HSPA4L: variants seen among roughly 807,000 people sequenced by gnomAD.
HSPA4L encodes heat shock protein family A (Hsp70) member 4 like, also known as heat shock 70 kDa protein 4L.
A neutral mutation model predicts 100.3 loss-of-function variants in HSPA4L; 48 were observed. That is an observed-to-expected ratio of 0.48 (90% CI 0.38 to 0.61). The LOEUF (loss-of-function observed/expected upper bound fraction) is 0.61. Among genes scored for constraint, HSPA4L ranks in the 20% least tolerant of loss-of-function variants. HSPA4L has a pLI of 0.00. For missense variants in HSPA4L, 886 were observed against 988.6 expected (o/e 0.90, Z 1.39); for synonymous variants, 319 against 328.2 (o/e 0.97, Z 0.30).
At chr4:127,801,271 C>A (rs1272914841) in intron 5 of HSPA4L, 34 bp downstream of exon 5, 9 of 1,386,908 alleles carry the variant, frequency 6.5e-6, no homozygotes, top group Non-Finnish European at 9.0e-6. Flanking sequence ...TCACTATAAG[C>A]AAAATACTGT....
At position 127,835,411 on chromosome 4, in the gene HSPA4L, T is replaced by C. The variant is rs1734181212; in HGVS notation, c.*2537T>C. On this transcript the variant is annotated 3_prime_UTR_variant, in exon 19 of 19. Coordinates refer to ENST00000296464, the MANE Select transcript of HSPA4L (RefSeq NM_014278.4). The stretch of plus-strand genomic sequence containing the variant: ...ATTCCTTAGCAGTAATGTAAAATTA[T>C]TAAGTTTTGGCCAGGCGCTGTGGCT... 6.6e-6 allele frequency: 1 copy of C among 152,194 alleles called. No homozygotes were observed. Among genetic ancestry groups the C allele is most frequent in the South Asian group, 2.1e-4 (1 of 4,834 alleles). 9.4% of individuals were successfully genotyped at this position (152,194 alleles called of 1,614,324 possible).
At chr4:127,820,627 C>CA (rs2148796246) in intron 14 of HSPA4L, 62 bp downstream of exon 14, 1 of 1,494,854 alleles carries the variant, frequency 6.7e-7, no homozygotes, top group Admixed American at 2.2e-5. Flanking sequence ...TTGTAGAAGT[C>CA]AATGATTATC....
At chr4:127,830,839 T>C in intron 18 of HSPA4L, 40 bp downstream of exon 18, 9 of 1,340,886 alleles carry the variant, frequency 6.7e-6, no homozygotes, top group Non-Finnish European at 9.0e-6. Context: ...TGGTTTCAAG[T>C]ATTAAAATTT....
In HSPA4L at chr4:127,786,357, G is replaced by A. The variant is rs73847065; in HGVS notation, c.107+3700G>A. On this transcript the variant is annotated intron_variant, in intron 1 of 18. Coordinates refer to ENST00000296464, the MANE Select transcript of HSPA4L (RefSeq NM_014278.4). The stretch of plus-strand genomic sequence containing the variant: ...TAATGATGAAAGGAACAAATTACCT[G>A]GTTGAGCAGTTATTGTACAGGAAAG... 1.0e-2 allele frequency among the ~76,000 whole-genome samples: 1,515 copies of A among 152,236 alleles called. 26 individuals carry two copies. Among genetic ancestry groups the A allele is most frequent in the African/African-American group, 0.033 (1,383 of 41,546 alleles).
chr4:127,787,000 TTA>T (rs1360499491), intron 1 of HSPA4L, among the ~76,000 whole-genome samples: 11 of 152,200 alleles, frequency 7.2e-5, no homozygotes, highest in Non-Finnish European at 1.5e-4. Flanking sequence ...TGGATTTTCT[TTA>T]AATGAAACTG....
chr4:127,803,932 G>A (rs1018672338), intron 7 of HSPA4L, 59 bp downstream of exon 7: 124 of 1,605,858 alleles, frequency 7.7e-5, no homozygotes, highest in Non-Finnish European at 9.3e-5. Flanking sequence ...TTTAGATCAC[G>A]TCTGATTTGT....
Position 127,805,642 on chromosome 4 carries a change from G to A in HSPA4L, c.1138-45G>A, listed in dbSNP as rs1027587444. 7.1e-6 allele frequency: 10 copies of A among 1,402,536 alleles called. No individual in the cohort carries two copies. The African/African-American group carries it at 9.9e-5, about 14-fold the overall frequency. 86.9% of individuals were successfully genotyped at this position (1,402,536 alleles called of 1,614,324 possible). A position where few individuals can be genotyped will look rare whatever the true frequency, so the allele number is the denominator to read the frequency against. On this transcript the variant is annotated intron_variant, in intron 9 of 18. Transcript: ENST00000296464. ...GTTCAATCAGAGTAACCTAGGGTAT[G>A]TTTTGTATTTGTTGATTTAAATATG... is the stretch of plus-strand genomic sequence containing the variant.
rs1310576941 is a variant in HSPA4L, at chr4:127,830,750, T to C, written c.2279T>C (p.Leu760Pro). ...ATGAATGCACAGAACAAACTAAGTC[T>C]CACTCAAGATCCTGTGGTAAAAGTT... ...SKMNAQNKLS[L>P]TQDPVVKVSE... The change falls in exon 18 of 19, where the codon CTC (leucine) becomes CCC (proline). Residue 760 changes from leucine (L) to proline (P), a missense_variant. Transcript: ENST00000296464. 1 of 1,602,672 alleles carries C rather than the reference T, an allele frequency of 6.2e-7. No homozygotes were observed. Among genetic ancestry groups the C allele is most frequent in the Non-Finnish European group, 8.5e-7 (1 of 1,175,540 alleles).
chr4:127,819,936 A>C (rs1230512105), intron 13 of HSPA4L, among the ~76,000 whole-genome samples: 1 of 152,072 alleles, frequency 6.6e-6, no homozygotes, highest in African/African-American at 2.4e-5. Context: ...AATCATGTAT[A>C]AGTTTTGCGG....
intron 8 of HSPA4L, 129 bp from the exon 9 acceptor site, chr4:127,804,933 CTTTCTAAAAAT>C: frequency 1.8e-6 from 1 of 568,480 alleles, no homozygotes; most frequent in Non-Finnish European, 3.1e-6. Context: ...AATGTTATAT[CTTTCTAAAAAT>C]TGTATTTTTC....
At chr4:127,782,015 C>T (rs1010541476), upstream of HSPA4L, 8 of 453,960 alleles carry the variant, frequency 1.8e-5, no homozygotes, top group African/African-American at 4.0e-5. Flanking sequence ...TCTCACCTAG[C>T]CCGACCGCCC....
chr4:127,816,105 T>TA (rs980693577), intron 12 of HSPA4L, among the ~76,000 whole-genome samples: 1 of 152,106 alleles, frequency 6.6e-6, no homozygotes, highest in African/African-American at 2.4e-5. Context: ...GGTAAAACCT[T>TA]AAAGTTCATG....
At chr4:127,803,230 G>A (rs1475803112) in intron 6 of HSPA4L, among the ~76,000 whole-genome samples, 1 of 151,806 alleles carries the variant, frequency 6.6e-6, no homozygotes, top group Non-Finnish European at 1.5e-5. Context: ...TTTAATCTTT[G>A]AATCTGCTTT....
Position 127,839,193 on chromosome 4 carries a change from CTTG to C in HSPA4L, c.*6325_*6327del, listed in dbSNP as rs576328508. On this transcript the variant is annotated 3_prime_UTR_variant, in exon 19 of 19. Transcript: ENST00000296464. ...TTATGTATGTGTGTTGTGCATCTTC[CTTG>C]TTGTTTTAGAGTTTCCTAAATTTTT... 9.9e-5 allele frequency: 15 copies of C among 152,224 alleles called. No homozygotes were observed. In the South Asian group the frequency reaches 1.0e-3, roughly 11 times the overall value. 9.4% of individuals were successfully genotyped at this position (152,224 alleles called of 1,614,324 possible).
chr4:127,834,726 T>C lies in HSPA4L; in HGVS notation c.*1852T>C, dbSNP rs1226091550. ...TATGTAACAATACAAGTAGGGACTT[T>C]AGAGCTTCTATTTGGGTTAAAACAT... On this transcript the variant is annotated 3_prime_UTR_variant, in exon 19 of 19. Coordinates refer to ENST00000296464, the MANE Select transcript of HSPA4L (RefSeq NM_014278.4). 7 of 152,194 alleles carry C rather than the reference T, an allele frequency of 4.6e-5. No homozygotes were observed. The highest frequency in any genetic ancestry group is 8.8e-5 in the Non-Finnish European group (6 of 68,012). The allele number at this position is 152,194 out of a possible 1,614,324, so 9.4% of individuals were successfully genotyped here.
intron 1 of HSPA4L, among the ~76,000 whole-genome samples, 190 bp downstream of exon 1, chr4:127,782,847 A>C (rs1732603247): frequency 6.6e-6 from 1 of 151,562 alleles, no homozygotes; most frequent in Admixed American, 6.6e-5. Context: ...CTCGCCCCGC[A>C]AAGCTTCTTT....
intron 16 of HSPA4L, among the ~76,000 whole-genome samples, chr4:127,824,546 C>T (rs1733895367): frequency 6.6e-6 from 1 of 152,136 alleles, no homozygotes; most frequent in Non-Finnish European, 1.5e-5. Flanking sequence ...CAGAGTGTTA[C>T]TTTTGCACAA....
chr4:127,823,737 A>G (rs2148797760), intron 16 of HSPA4L, 113 bp downstream of exon 16: 1 of 630,354 alleles, frequency 1.6e-6, no homozygotes, highest in East Asian at 2.8e-5. Flanking sequence ...TGAGAGGAAA[A>G]TTGTATATAT....
At chr4:127,782,298 G>A (rs994154596), upstream of HSPA4L, 1 of 481,104 alleles carries the variant, frequency 2.1e-6, no homozygotes, top group African/African-American at 2.1e-5. Context: ...CCCAGTAACC[G>A]CCGGTTGGAG....
Sources: gnomAD v4.1 joint callset for allele counts (sites outside exome capture counted in the v4.1 genomes callset) on GRCh38, gnomAD v4.1.1 for gene constraint, MANE v1.5 for transcripts, NCBI Gene and HGNC (gene_info 2026-07-23, HGNC 2026-07-21) for gene names.